Variants in SPAG16 observed in about 807,000 individuals in gnomAD.
The protein encoded by SPAG16 is sperm-associated antigen 16 protein.
Under a neutral mutation model 80.4 loss-of-function variants are expected in SPAG16, and 86 were observed. That is an observed-to-expected ratio of 1.07 (90% CI 0.90 to 1.28). The LOEUF (loss-of-function observed/expected upper bound fraction) is 1.28. Ranked by LOEUF, SPAG16 falls within the 50% of genes most tolerant of loss-of-function variation. The pLI, the probability that SPAG16 is intolerant of heterozygous loss-of-function variation, is 0.00. For missense variants in SPAG16, 870 were observed against 765.3 expected, an observed-to-expected ratio of 1.14 and a Z score of -1.61; for synonymous variants, 294 against 265.9, an observed-to-expected ratio of 1.11 and a Z score of -1.03.
chr2:213,497,678 A>G (rs886338991), intron 10 of SPAG16, among the ~76,000 whole-genome samples: 15 of 152,246 alleles, frequency 9.9e-5, no homozygotes, highest in African/African-American at 3.1e-4. Context: ...CTATAATTAT[A>G]TATAGCAATT....
chr2:213,749,293 A>T (rs539565162), intron 10 of SPAG16, among the ~76,000 whole-genome samples: 23 of 152,140 alleles, frequency 1.5e-4, no homozygotes, highest in African/African-American at 4.8e-4. Context: ...AAATCTATTT[A>T]TATAATTGTA....
chr2:213,677,685 C>G (rs2064157225), intron 10 of SPAG16, among the ~76,000 whole-genome samples: 1 of 152,150 alleles, frequency 6.6e-6, no homozygotes, highest in Admixed American at 6.5e-5. Context: ...TTTGACACCC[C>G]ACTGTCAACG....
rs540304456 is a variant in SPAG16, at chr2:213,742,804, C to T, written c.1071-119681C>T. Reference sequence around the variant, plus strand: ...CTGACCTCAGGTGATCCACCCGTCTCGGCCTTCCAAGTAATCCTGAGTAGC... The same window carrying T: ...CTGACCTCAGGTGATCCACCCGTCTTGGCCTTCCAAGTAATCCTGAGTAGC... On this transcript the variant is annotated intron_variant, in intron 10 of 15. Coordinates refer to ENST00000331683, the MANE Select transcript of SPAG16 (RefSeq NM_024532.5). 1.1e-4 allele frequency among the ~76,000 whole-genome samples: 16 copies of T among 152,188 alleles called. 1 individual carries two copies. Among genetic ancestry groups the T allele is most frequent in the Admixed American group, 9.8e-4 (15 of 15,296 alleles).
At chr2:214,120,627 A>C (rs1335678620) in intron 14 of SPAG16, among the ~76,000 whole-genome samples, 1 of 151,752 alleles carries the variant, frequency 6.6e-6, no homozygotes, top group Non-Finnish European at 1.5e-5. Context: ...AGTAATTTTC[A>C]TTGTCACTTA....
intron 15 of SPAG16, chr2:214,240,438 T>C (rs1012637249): frequency 9.9e-5 from 15 of 152,212 alleles, no homozygotes; most frequent in African/African-American, 2.7e-4. Flanking sequence ...GTCTAGCATA[T>C]GGTGGATGGA....
At chr2:213,483,033 CTTTAT>C (rs1250388710) in intron 9 of SPAG16, among the ~76,000 whole-genome samples, 13 of 152,128 alleles carry the variant, frequency 8.5e-5, no homozygotes, top group Middle Eastern at 6.8e-3. Context: ...TTTGGACACA[CTTTAT>C]TTTAGTTGCA....
At chr2:213,830,139 C>G (rs2073547055) in intron 10 of SPAG16, among the ~76,000 whole-genome samples, 1 of 152,096 alleles carries the variant, frequency 6.6e-6, no homozygotes, top group Non-Finnish European at 1.5e-5. Context: ...ACCCCAGAGC[C>G]GTTTAGCCCT....
intron 12 of SPAG16, among the ~76,000 whole-genome samples, chr2:213,970,298 T>G (rs892656524): frequency 3.9e-5 from 6 of 152,130 alleles, no homozygotes; most frequent in Non-Finnish European, 7.4e-5. Context: ...CTTTTTTTTT[T>G]TTTGTTTATT....
chr2:214,108,278 C>G lies in SPAG16; in HGVS notation c.1593+17C>G. 6.3e-7 allele frequency: 1 copy of G among 1,588,606 alleles called. No individual in the cohort carries two copies. The highest frequency in any genetic ancestry group is 8.6e-7 in the Non-Finnish European group (1 of 1,162,306). On this transcript the variant is annotated intron_variant, in intron 14 of 15. Transcript: ENST00000331683. ...GATCCCAGGGTAAGTTCAGTTCTCC[C>G]AGTAAACTGTTTTTAATGCTTCATA...
intron 9 of SPAG16, among the ~76,000 whole-genome samples, chr2:213,377,516 C>T (rs1280592592): frequency 6.6e-6 from 1 of 152,164 alleles, no homozygotes; most frequent in Non-Finnish European, 1.5e-5. Flanking sequence ...ACAAATGCTC[C>T]ACATTTAACA....
At chr2:213,899,838 C>G (rs940991046) in intron 11 of SPAG16, among the ~76,000 whole-genome samples, 2 of 151,962 alleles carry the variant, frequency 1.3e-5, no homozygotes, top group Non-Finnish European at 2.9e-5. Flanking sequence ...TCTATTTTTA[C>G]CTTCCAAATG....
chr2:213,885,802 T>G (rs1195740640), intron 11 of SPAG16, among the ~76,000 whole-genome samples: 1 of 152,138 alleles, frequency 6.6e-6, no homozygotes. Flanking sequence ...GTATCCATAG[T>G]TACACATACC....
chr2:213,344,382 T>A (rs140499204), intron 6 of SPAG16, among the ~76,000 whole-genome samples: 1 of 152,208 alleles, frequency 6.6e-6, no homozygotes, highest in African/African-American at 2.4e-5. Flanking sequence ...TGGAGTTTTT[T>A]TCTTTTTTTT....
At chr2:213,539,862 A>G (rs1419937905) in intron 10 of SPAG16, among the ~76,000 whole-genome samples, 7 of 152,150 alleles carry the variant, frequency 4.6e-5, no homozygotes, top group African/African-American at 1.4e-4. Context: ...AAATCTAAAT[A>G]CTAAGTTTGG....
At chr2:213,830,215 C>T (rs746821440) in intron 10 of SPAG16, among the ~76,000 whole-genome samples, 7 of 152,270 alleles carry the variant, frequency 4.6e-5, no homozygotes, top group Non-Finnish European at 8.8e-5. Flanking sequence ...GTGGCTAGGG[C>T]TGGTCTAAAT....
intron 15 of SPAG16, among the ~76,000 whole-genome samples, chr2:214,305,286 G>A (rs1304716848): frequency 2.6e-5 from 4 of 151,980 alleles, no homozygotes; most frequent in Non-Finnish European, 5.9e-5. Flanking sequence ...TTTGTCAGAT[G>A]CAGTTTGCAA....
intron 12 of SPAG16, among the ~76,000 whole-genome samples, chr2:213,969,868 TA>T (rs35678406): frequency 2.0e-5 from 3 of 151,768 alleles, no homozygotes; most frequent in Admixed American, 6.6e-5. Context: ...ATTTAACAGT[TA>T]AAAAAAAGGC....
chr2:213,527,185 T>C (rs1279136176), intron 10 of SPAG16, among the ~76,000 whole-genome samples: 2 of 152,230 alleles, frequency 1.3e-5, no homozygotes, highest in Non-Finnish European at 2.9e-5. Flanking sequence ...ATGCTACTGA[T>C]GTAAAGTTTC....
chr2:213,692,832 A>G (rs1008034761), intron 10 of SPAG16, among the ~76,000 whole-genome samples: 1 of 151,994 alleles, frequency 6.6e-6, no homozygotes, highest in Non-Finnish European at 1.5e-5. Context: ...AAAAGAAAAA[A>G]AAAGTTTTAT....
Sources: allele counts gnomAD v4.1 joint callset (sites outside exome capture counted in the v4.1 genomes callset), GRCh38; gene constraint gnomAD v4.1.1; transcripts MANE v1.5; gene names NCBI Gene and HGNC (gene_info 2026-07-23, HGNC 2026-07-21).